LAMA2: variants seen among roughly 807,000 people sequenced by gnomAD.
LAMA2 encodes the protein laminin subunit alpha 2, also known as laminin subunit alpha-2.
A neutral mutation model predicts 364.8 loss-of-function variants in LAMA2; 269 were observed. That is an observed-to-expected ratio of 0.74 (90% CI 0.67 to 0.82). The LOEUF (loss-of-function observed/expected upper bound fraction) is 0.82, where lower values mean the gene tolerates loss of function less well. Ranked by LOEUF, LAMA2 falls within the 40% of genes least tolerant of loss-of-function variation. The pLI is 0.00. For missense variants in LAMA2, 3,807 were observed against 3,873.2 expected (o/e 0.98, Z 0.45); for synonymous variants, 1,379 against 1,370.6 (o/e 1.01, Z -0.14).
intron 4 of LAMA2, among the ~76,000 whole-genome samples, chr6:129,116,999 CAAAAT>C (rs765237305): frequency 6.6e-5 from 10 of 151,998 alleles, no homozygotes; most frequent in South Asian, 2.1e-4. Context: ...TTTCACTGAA[CAAAAT>C]AAAATAAAAG....
At chr6:129,343,051 G>A (rs1776356257) in intron 30 of LAMA2, among the ~76,000 whole-genome samples, 1 of 152,128 alleles carries the variant, frequency 6.6e-6, no homozygotes, top group Non-Finnish European at 1.5e-5. Flanking sequence ...AGAAACAAAA[G>A]CTGGAATATC....
intron 1 of LAMA2, among the ~76,000 whole-genome samples, chr6:129,048,398 AATATC>A (rs1787689626): frequency 6.6e-6 from 1 of 151,996 alleles, no homozygotes; most frequent in African/African-American, 2.4e-5. Flanking sequence ...ATCTCAGTAA[AATATC>A]AAGCCATGAG....
At chr6:129,131,702 A>G (rs1232344763) in intron 4 of LAMA2, among the ~76,000 whole-genome samples, 1 of 152,238 alleles carries the variant, frequency 6.6e-6, no homozygotes, top group Non-Finnish European at 1.5e-5. Flanking sequence ...CCAACTCTGT[A>G]CAGAATAATG....
chr6:129,371,154 A>G (rs1237434955), intron 34 of LAMA2, among the ~76,000 whole-genome samples: 1 of 152,192 alleles, frequency 6.6e-6, no homozygotes, highest in Non-Finnish European at 1.5e-5. Context: ...TTTAACAAGC[A>G]CACATAAATG....
rs754317320 is a variant in LAMA2 at position 129,481,265 on chromosome 6, T to C, written c.7575T>C (p.Asn2525=). ...CTCTTCTTTTCCTTTACTCACAGAATGTTTACACAGTTAGCTTTCCTAAGC... is the reference window on the plus strand; with the variant it reads ...CTCTTCTTTTCCTTTACTCACAGAACGTTTACACAGTTAGCTTTCCTAAGC... ...VGVTKGCSLE[N]VYTVSFPKPG... Residue 2525 remains asparagine, a splice_region_variant and synonymous_variant, in exon 55 of 65, where the codon AAT becomes AAC. Transcript: ENST00000421865. 4 of 1,613,252 alleles carry C rather than the reference T, an allele frequency of 2.5e-6. No individual in the cohort carries two copies. The highest frequency in any genetic ancestry group is 1.1e-5 in the South Asian group (1 of 91,086).
At chr6:129,088,838 C>A (rs1437180787) in intron 3 of LAMA2, among the ~76,000 whole-genome samples, 1 of 151,606 alleles carries the variant, frequency 6.6e-6, no homozygotes, top group Non-Finnish European at 1.5e-5. Context: ...GACTGGGTAG[C>A]CAGGCAGAGG....
chr6:129,013,561 G>A (rs912815602), intron 1 of LAMA2, among the ~76,000 whole-genome samples: 3 of 152,164 alleles, frequency 2.0e-5, no homozygotes, highest in Non-Finnish European at 2.9e-5. Flanking sequence ...GAGCATAGAA[G>A]GTGTGGGTTA....
At chr6:129,194,505 G>A (rs1482998075) in intron 12 of LAMA2, among the ~76,000 whole-genome samples, 1 of 152,046 alleles carries the variant, frequency 6.6e-6, no homozygotes, top group Non-Finnish European at 1.5e-5. Flanking sequence ...CCCTTATCCT[G>A]GCTGAAATAT....
intron 48 of LAMA2, among the ~76,000 whole-genome samples, chr6:129,456,984 C>T (rs1234628472): frequency 6.6e-6 from 1 of 152,138 alleles, no homozygotes; most frequent in Non-Finnish European, 1.5e-5. Context: ...ACTTAATATT[C>T]ATAATTGCTT....
intron 17 of LAMA2, among the ~76,000 whole-genome samples, chr6:129,278,840 C>T (rs265373): frequency 0.99 from 150,922 of 152,276 alleles, 74,805 homozygotes; most frequent in Middle Eastern, 1. Context: ...GGTCCTAATA[C>T]CTTGCTAGTA....
intron 34 of LAMA2, among the ~76,000 whole-genome samples, chr6:129,372,305 T>C (rs1259913640): frequency 6.6e-6 from 1 of 152,212 alleles, no homozygotes; most frequent in African/African-American, 2.4e-5. Context: ...CACCTATTCA[T>C]ACCTCCCTCT....
intron 4 of LAMA2, among the ~76,000 whole-genome samples, chr6:129,121,503 G>A (rs796181844): frequency 6.6e-6 from 1 of 152,002 alleles, no homozygotes; most frequent in Admixed American, 6.6e-5. Flanking sequence ...GTTTTCAATG[G>A]TGTGTCTGCT....
At position 129,306,293 on chromosome 6, in the gene LAMA2, C is replaced by G. The variant is rs1773861209; in HGVS notation, c.3174+5421C>G. On this transcript the variant is annotated intron_variant, in intron 22 of 64. Transcript: ENST00000421865. ...TCATTTTATTCCTGTTGTTTCAGGTCTGCTGACAATAATTTTTTCCTTTTT... is the reference window on the plus strand; with the variant it reads ...TCATTTTATTCCTGTTGTTTCAGGTGTGCTGACAATAATTTTTTCCTTTTT... Among the ~76,000 whole-genome samples, 3 of 120,266 alleles carry G rather than the reference C, an allele frequency of 2.5e-5. No homozygotes were observed. The South Asian group carries it at 8.1e-4, about 33-fold the overall frequency. 78.9% of individuals were successfully genotyped at this position (120,266 alleles called of 152,430 possible).
Position 129,478,715 on chromosome 6 carries a change from T to C in LAMA2, c.7474T>C (p.Tyr2492His), listed in dbSNP as rs1583845468. ...TAGGCCAGAAGTAAATCTGAAGAAATATTCCGGCTGCCTCAAAGATATTGA... is the reference window on the plus strand; with the variant it reads ...TAGGCCAGAAGTAAATCTGAAGAAACATTCCGGCTGCCTCAAAGATATTGA... ...KARPEVNLKK[Y>H]SGCLKDIEIS... The change falls in exon 54 of 65, where the codon TAT becomes CAT. Residue 2492 changes from tyrosine to histidine, a missense_variant. This residue lies in a region of LAMA2 where 3,333 missense variants were observed against 3,345.7 expected (regional missense o/e 1.00). Coordinates refer to ENST00000421865, the MANE Select transcript of LAMA2 (RefSeq NM_000426.4). 2 of 1,613,516 alleles carry C rather than the reference T, an allele frequency of 1.2e-6. No homozygotes were observed. Among genetic ancestry groups the C allele is most frequent in the South Asian group, 2.2e-5 (2 of 91,068 alleles).
chr6:129,161,911 C>A (rs1779462148), intron 8 of LAMA2, among the ~76,000 whole-genome samples: 1 of 151,988 alleles, frequency 6.6e-6, no homozygotes, highest in African/African-American at 2.4e-5. Flanking sequence ...AATGATGGTA[C>A]CTAGGTTGAT....
intron 35 of LAMA2, among the ~76,000 whole-genome samples, chr6:129,389,886 A>G (rs77996720): frequency 0.016 from 2,435 of 152,252 alleles, 34 homozygotes; most frequent in Non-Finnish European, 0.023. Flanking sequence ...TGGGTATTAC[A>G]ACTTGAGATG....
chr6:129,342,441 C>T lies in LAMA2; in HGVS notation c.4410C>T (p.Ala1470=). The change falls in exon 30 of 65, where the codon GCC becomes GCT. Residue 1470 remains alanine (A), a synonymous_variant. Transcript: ENST00000421865. ...KGLPNDCQQC[A]CPLISSSNNF... ...TGCCAAATGACTGTCAGCAATGTGC[C>T]TGCCCTCTGATTTCTTCCAGTAACA... 1 of 1,613,366 alleles carries T rather than the reference C, an allele frequency of 6.2e-7. No individual in the cohort carries two copies. Among genetic ancestry groups the T allele is most frequent in the South Asian group, 1.1e-5 (1 of 91,058 alleles).
intron 56 of LAMA2, among the ~76,000 whole-genome samples, chr6:129,488,603 G>A (rs141268982): frequency 5.5e-4 from 83 of 152,288 alleles, no homozygotes; most frequent in African/African-American, 2.0e-3. Context: ...CAGTCATTTA[G>A]TTAATTGGCC....
At chr6:128,980,887 C>T (rs9375607) in intron 1 of LAMA2, among the ~76,000 whole-genome samples, 4 of 152,108 alleles carry the variant, frequency 2.6e-5, no homozygotes, top group African/African-American at 7.2e-5. Context: ...AAACCTGAAA[C>T]GCGAATCATT....
Sources: gnomAD v4.1 joint callset for allele counts (sites outside exome capture counted in the v4.1 genomes callset) on GRCh38, gnomAD v4.1.1 for gene constraint, gnomAD v4.1.1 regional missense constraint, MANE v1.5 for transcripts, NCBI Gene and HGNC (gene_info 2026-07-23, HGNC 2026-07-21) for gene names.